ARHGAP24: variants seen among roughly 807,000 people sequenced by gnomAD.
ARHGAP24 encodes rho GTPase-activating protein 24.
ARHGAP24 carries 50 observed loss-of-function variants against 76.4 expected under a neutral mutation model. The observed-to-expected ratio is 0.65, with a 90% confidence interval of 0.52 to 0.83. The LOEUF is 0.83. Ranked by LOEUF, ARHGAP24 falls within the 40% of genes least tolerant of loss-of-function variation. The pLI is 0.00. For missense variants in ARHGAP24, 930 were observed against 914.2 expected, an observed-to-expected ratio of 1.02 and a Z score of -0.22; for synonymous variants, 345 against 323.3, an observed-to-expected ratio of 1.07 and a Z score of -0.72.
chr4:85,635,274 A>T (rs1011943763), intron 2 of ARHGAP24, among the ~76,000 whole-genome samples: 14 of 144,500 alleles, frequency 9.7e-5, no homozygotes, highest in Admixed American at 3.5e-4. Flanking sequence ...ATAGTTACCC[A>T]CTTTTTTTTT....
chr4:85,725,222 T>G (rs2110046973), intron 3 of ARHGAP24, among the ~76,000 whole-genome samples: 1 of 152,304 alleles, frequency 6.6e-6, no homozygotes, highest in Non-Finnish European at 1.5e-5. Context: ...CTCCATATAT[T>G]TAGAAACCAC....
At chr4:85,542,534 A>G (rs1240250183) in intron 1 of ARHGAP24, among the ~76,000 whole-genome samples, 1 of 152,228 alleles carries the variant, frequency 6.6e-6, no homozygotes, top group Non-Finnish European at 1.5e-5. Context: ...ATCAGAATGC[A>G]TGAATCTATG....
chr4:85,945,956 TTAATTAA>T (rs1228212522), intron 5 of ARHGAP24, among the ~76,000 whole-genome samples: 1 of 152,138 alleles, frequency 6.6e-6, no homozygotes, highest in Non-Finnish European at 1.5e-5. Context: ...GGAAAAAGGT[TTAATTAA>T]TAACTTACAG....
intron 1 of ARHGAP24, among the ~76,000 whole-genome samples, chr4:85,505,360 A>G (rs192629481): frequency 6.6e-6 from 1 of 152,310 alleles, no homozygotes; most frequent in African/African-American, 2.4e-5. Flanking sequence ...AGGTACACCA[A>G]TCAAACGTTG....
chr4:85,787,968 T>G (rs537825640), intron 3 of ARHGAP24, among the ~76,000 whole-genome samples: 2 of 152,260 alleles, frequency 1.3e-5, no homozygotes, highest in African/African-American at 4.8e-5. Context: ...AATGGGTGTC[T>G]AAGAAGATGT....
chr4:85,900,565 C>T (rs1734436999), intron 3 of ARHGAP24, among the ~76,000 whole-genome samples: 1 of 152,028 alleles, frequency 6.6e-6, no homozygotes, highest in East Asian at 1.9e-4. Flanking sequence ...GCTGGGATTA[C>T]AGGCACGTGC....
chr4:85,553,495 G>C (rs1481188149), intron 1 of ARHGAP24, among the ~76,000 whole-genome samples: 1 of 152,088 alleles, frequency 6.6e-6, no homozygotes, highest in East Asian at 1.9e-4. Context: ...TAGACACAGA[G>C]CGCTGATTGG....
intron 3 of ARHGAP24, among the ~76,000 whole-genome samples, chr4:85,897,266 A>T (rs1734230579): frequency 6.6e-6 from 1 of 152,186 alleles, no homozygotes; most frequent in South Asian, 2.1e-4. Flanking sequence ...CACCTCAAGG[A>T]AATATTAAAT....
chr4:85,476,678 A>G (rs1053742898), intron 1 of ARHGAP24, among the ~76,000 whole-genome samples: 1 of 152,226 alleles, frequency 6.6e-6, no homozygotes, highest in Non-Finnish European at 1.5e-5. Flanking sequence ...AATACAAACA[A>G]TCTGTCCCCA....
intron 2 of ARHGAP24, among the ~76,000 whole-genome samples, chr4:85,653,031 A>G (rs1334482288): frequency 6.6e-6 from 1 of 152,170 alleles, no homozygotes. Context: ...TGTATTAGTA[A>G]ATGTATGTTA....
intron 1 of ARHGAP24, among the ~76,000 whole-genome samples, chr4:85,478,678 C>T (rs1359250556): frequency 2.0e-5 from 3 of 152,116 alleles, no homozygotes; most frequent in Non-Finnish European, 4.4e-5. Flanking sequence ...TTCTTTTTAG[C>T]TCCCCCTTTG....
chr4:85,847,572 G>A (rs1730959134), intron 3 of ARHGAP24, among the ~76,000 whole-genome samples: 1 of 152,156 alleles, frequency 6.6e-6, no homozygotes, highest in South Asian at 2.1e-4. Flanking sequence ...CAGCAAAGGA[G>A]CAAAGGCCTA....
intron 8 of ARHGAP24, among the ~76,000 whole-genome samples, chr4:85,983,393 TAGCATAAA>T (rs372167459): frequency 1.5e-3 from 230 of 152,238 alleles, no homozygotes; most frequent in African/African-American, 5.1e-3. Flanking sequence ...TTCCCACCAA[TAGCATAAA>T]AGTGTTCCTA....
At chr4:85,820,895 A>G (rs973215114) in intron 3 of ARHGAP24, among the ~76,000 whole-genome samples, 1 of 152,150 alleles carries the variant, frequency 6.6e-6, no homozygotes, top group African/African-American at 2.4e-5. Context: ...GTACTTTCAA[A>G]TAGAGAAATG....
intron 3 of ARHGAP24, among the ~76,000 whole-genome samples, chr4:85,736,204 G>A (rs1725600223): frequency 6.6e-6 from 1 of 152,138 alleles, no homozygotes; most frequent in African/African-American, 2.4e-5. Flanking sequence ...CCACTTTGAA[G>A]GCCCATGATC....
chr4:85,945,097 C>G (rs576542091), intron 5 of ARHGAP24, among the ~76,000 whole-genome samples: 57 of 152,050 alleles, frequency 3.7e-4, no homozygotes, highest in Admixed American at 6.5e-4. Context: ...CCACCCGACT[C>G]AGCCTCCCAA....
rs181930105 is a variant in ARHGAP24 at position 85,971,961 on chromosome 4, G to A, written c.600-75G>A. ...CAACTTGGATAGAATTCTGACTCCTGGGCTCTTGAAAAACAATAAATAGAA... is the reference window on the plus strand; with the variant it reads ...CAACTTGGATAGAATTCTGACTCCTAGGCTCTTGAAAAACAATAAATAGAA... On this transcript the variant is annotated intron_variant, in intron 5 of 9. Coordinates refer to ENST00000395184, the MANE Select transcript of ARHGAP24 (RefSeq NM_001025616.3). 8.6e-5 allele frequency: 138 copies of A among 1,605,538 alleles called. 2 individuals carry two copies. Among genetic ancestry groups the A allele is most frequent in the East Asian group, 7.6e-4 (34 of 44,596 alleles).
intron 4 of ARHGAP24, among the ~76,000 whole-genome samples, chr4:85,936,044 G>T (rs957568196): frequency 6.6e-6 from 1 of 152,104 alleles, no homozygotes; most frequent in South Asian, 2.1e-4. Context: ...TACTAAAATG[G>T]ATGTATTTTA....
chr4:85,972,243 A>T, intron 6 of ARHGAP24, 75 bp downstream of exon 6: 1 of 1,584,882 alleles, frequency 6.3e-7, no homozygotes, highest in East Asian at 2.2e-5. Context: ...TAAATCTGTA[A>T]ATTTCCATTG....
Sources: gnomAD v4.1 joint callset for allele counts (sites outside exome capture counted in the v4.1 genomes callset) on GRCh38, gnomAD v4.1.1 for gene constraint, MANE v1.5 for transcripts, NCBI Gene and HGNC (gene_info 2026-07-23, HGNC 2026-07-21) for gene names.